BRD7: variants seen among roughly 807,000 people sequenced by gnomAD.
The protein encoded by BRD7 is bromodomain containing 7, also known as bromodomain-containing protein 7.
In BRD7, 15 loss-of-function variants were observed where a neutral mutation model predicts 82.1. The observed-to-expected ratio is 0.18, with a 90% CI of 0.12 to 0.28. BRD7 has a LOEUF of 0.28. Ranked by LOEUF, BRD7 falls within the 10% of genes least tolerant of loss-of-function variation. The probability of loss-of-function intolerance (pLI) is 1.00; values close to 1 mark genes in which losing one functional copy is unlikely to be tolerated. For synonymous variants in BRD7, 232 were observed against 266.9 expected (o/e 0.87, Z 1.27); for missense variants, 638 against 779.9 (o/e 0.82, Z 2.17).
At chr16:50,337,632 G>A (rs898046545) in intron 6 of BRD7, among the ~76,000 whole-genome samples, 2 of 152,136 alleles carry the variant, frequency 1.3e-5, no homozygotes, top group Non-Finnish European at 2.9e-5. Flanking sequence ...AAAAAATGAT[G>A]AGTGACTACT....
intron 8 of BRD7, among the ~76,000 whole-genome samples, chr16:50,328,946 C>G (rs1331740990): frequency 6.6e-6 from 1 of 152,076 alleles, no homozygotes; most frequent in African/African-American, 2.4e-5. Context: ...ACAGATACAG[C>G]CAGAAAATAA....
chr16:50,332,983 G>C (rs1018200885), intron 8 of BRD7, among the ~76,000 whole-genome samples: 2 of 152,146 alleles, frequency 1.3e-5, no homozygotes, highest in South Asian at 2.1e-4. Flanking sequence ...AATGCTAAAA[G>C]GGGGCAGGGA....
intron 4 of BRD7, among the ~76,000 whole-genome samples, chr16:50,352,701 G>GTTTTTTTT (rs34714781): frequency 1.0e-4 from 13 of 127,628 alleles, no homozygotes; most frequent in Non-Finnish European, 1.5e-4. Context: ...TGCCAGCTTT[G>GTTTTTTTT]TTTTTTTTTT....
chr16:50,320,488 C>T, intron 14 of BRD7, 97 bp from the exon 15 acceptor site: 1 of 1,528,118 alleles, frequency 6.5e-7, no homozygotes, highest in Non-Finnish European at 8.9e-7. Flanking sequence ...TAGCCTTCTC[C>T]CTTCAAAAGA....
At position 50,319,104 on chromosome 16, in the gene BRD7, G is replaced by C; in HGVS notation, c.*107C>G. 8.6e-7 allele frequency: 1 copy of C among 1,158,666 alleles called. No homozygotes were observed. The highest frequency in any genetic ancestry group is 1.2e-6 in the Non-Finnish European group (1 of 817,710). The allele number at this position is 1,158,666 out of a possible 1,614,324, so 71.8% of individuals were successfully genotyped here. A position where few individuals can be genotyped will look rare whatever the true frequency, so the allele number is the denominator to read the frequency against. ...GAACATCCAAATTCGCTGTTCCAAA[G>C]TTTAATTAAAAACACAATTTACAAA... On this transcript the variant is annotated 3_prime_UTR_variant, in exon 17 of 17. Transcript: ENST00000394688.
At chr16:50,346,700 TCCCAAGACTAAA>T (rs1418946080) in intron 5 of BRD7, among the ~76,000 whole-genome samples, 1 of 152,088 alleles carries the variant, frequency 6.6e-6, no homozygotes, top group African/African-American at 2.4e-5. Context: ...ACATACACCC[TCCCAAGACTAAA>T]CCAGGAAGAA....
rs1357009385 is a variant in BRD7, at chr16:50,354,334, G to GT, written c.446+90dup. ...TATTTATCATTCACTTTAAAATCAC[G>GT]TATGTTTGGAGTTAGGCACAAATGT... On this transcript the variant is annotated intron_variant, in intron 4 of 16. Transcript: ENST00000394688. The GT allele has an allele frequency of 2.8e-6, 3 of 1,060,680 alleles. No homozygotes were observed. In the African/African-American group the frequency reaches 4.9e-5, roughly 17 times the overall value. The allele number at this position is 1,060,680 out of a possible 1,614,324, so 65.7% of individuals were successfully genotyped here.
Position 50,316,736 on chromosome 16 carries a change from C to T in BRD7, c.*2475G>A, listed in dbSNP as rs1227614066. On this transcript the variant is annotated 3_prime_UTR_variant, in exon 17 of 17. Coordinates refer to ENST00000394688, the MANE Select transcript of BRD7 (RefSeq NM_013263.5). ...TTCAACTTCCCAAGGAATTGAAAGTCAACCTAACTGTAACAACAGGGTGAG... is the reference window on the plus strand; with the variant it reads ...TTCAACTTCCCAAGGAATTGAAAGTTAACCTAACTGTAACAACAGGGTGAG... 6.6e-6 allele frequency: 1 copy of T among 152,366 alleles called. No homozygotes were observed. Among genetic ancestry groups the T allele is most frequent in the Non-Finnish European group, 1.5e-5 (1 of 68,046 alleles). The allele number at this position is 152,366 out of a possible 1,614,324, so 9.4% of individuals were successfully genotyped here. A position where few individuals can be genotyped will look rare whatever the true frequency, so the allele number is the denominator to read the frequency against.
At chr16:50,368,012 AC>A in intron 2 of BRD7, 77 bp downstream of exon 2, 1 of 1,445,380 alleles carries the variant, frequency 6.9e-7, no homozygotes, top group East Asian at 2.3e-5. Context: ...TTCCCCAGAT[AC>A]AAAGAAAATA....
chr16:50,323,669 T>C lies in BRD7; in HGVS notation c.1361A>G (p.Asp454Gly). 1 of 1,613,866 alleles carries C rather than the reference T, an allele frequency of 6.2e-7. No individual in the cohort carries two copies. The highest frequency in any genetic ancestry group is 8.5e-7 in the Non-Finnish European group (1 of 1,179,764). The part of the protein sequence containing the change: ...SIHEFLATCQ[D>G]YPYVMADSLL... Reference sequence around the variant, plus strand: ...ACTATCTGCCATGACATACGGATAATCTTGGCACGTGGCCAAAAACTCATG... The same window carrying C: ...ACTATCTGCCATGACATACGGATAACCTTGGCACGTGGCCAAAAACTCATG... Residue 454 changes from aspartate to glycine, a missense_variant, in exon 12 of 17, where the codon GAT becomes GGT. This residue lies in a region of BRD7 where 402 missense variants were observed against 500.8 expected (regional missense o/e 0.80). Transcript: ENST00000394688.
At chr16:50,333,865 C>T (rs1435031879) in intron 7 of BRD7, among the ~76,000 whole-genome samples, 168 bp from the exon 8 acceptor site, 4 of 152,134 alleles carry the variant, frequency 2.6e-5, no homozygotes, top group Admixed American at 2.6e-4. Flanking sequence ...AATTTAAGAA[C>T]AGAAACAGTA....
intron 2 of BRD7, among the ~76,000 whole-genome samples, chr16:50,362,087 C>A (rs1438273546): frequency 6.6e-6 from 1 of 152,182 alleles, no homozygotes; most frequent in Non-Finnish European, 1.5e-5. Context: ...ATATAGTTGA[C>A]CCCATGTTAA....
At chr16:50,350,756 C>T (rs527673574) in intron 4 of BRD7, among the ~76,000 whole-genome samples, 2 of 152,272 alleles carry the variant, frequency 1.3e-5, no homozygotes, top group East Asian at 3.9e-4. Context: ...ATCAGAAACT[C>T]AAATTTGAAA....
At chr16:50,366,184 CAT>C (rs1374190351) in intron 2 of BRD7, among the ~76,000 whole-genome samples, 1 of 152,160 alleles carries the variant, frequency 6.6e-6, no homozygotes, top group African/African-American at 2.4e-5. Context: ...GATTTTCAAA[CAT>C]GTTAGAACTT....
chr16:50,342,297 C>A (rs1476772658), intron 5 of BRD7, among the ~76,000 whole-genome samples: 1 of 152,066 alleles, frequency 6.6e-6, no homozygotes, highest in African/African-American at 2.4e-5. Flanking sequence ...GGAAAAGTTT[C>A]TATTTCTCGA....
rs1347726865 is a variant in BRD7 at position 50,319,622 on chromosome 16, A to G, written c.1900+265T>C. ...AAAAACCCAATTAAAAAAATACAAC[A>G]AACAATGAAAAAAATATAAAAAATA... On this transcript the variant is annotated intron_variant, in intron 16 of 16. Coordinates refer to ENST00000394688, the MANE Select transcript of BRD7 (RefSeq NM_013263.5). Among the ~76,000 whole-genome samples the G allele has an allele frequency of 2.0e-5, 3 of 152,208 alleles. No individual in the cohort carries two copies. The East Asian group carries it at 5.8e-4, about 29-fold the overall frequency.
Position 50,325,790 on chromosome 16 carries a change from T to C in BRD7, c.1289A>G (p.Tyr430Cys), listed in dbSNP as rs768576199. Reference protein sequence around the residue: ...NISKDDSDLIYSTYGEDSDLP... With the variant: ...NISKDDSDLICSTYGEDSDLP... ...ATCAGAGTCTTCCCCATAGGTTGAA[T>C]AGATTAAATCAGAATCATCCTTGCT... The change falls in exon 11 of 17, where the codon TAT becomes TGT. Residue 430 changes from tyrosine to cysteine, a missense_variant. Coordinates refer to ENST00000394688, the MANE Select transcript of BRD7 (RefSeq NM_013263.5). 8.1e-6 allele frequency: 13 copies of C among 1,610,872 alleles called. No homozygotes were observed. Among genetic ancestry groups the C allele is most frequent in the East Asian group, 2.2e-5 (1 of 44,808 alleles).
intron 2 of BRD7, among the ~76,000 whole-genome samples, chr16:50,359,876 T>TGTGGGAACAGCATTCCAGGCA (rs2038876240): frequency 6.6e-6 from 1 of 152,068 alleles, no homozygotes; most frequent in Admixed American, 6.5e-5. Flanking sequence ...GAGGTAGGTG[T>TGTGGGAACAGCATTCCAGGCA]GTGGGAACAG....
chr16:50,331,717 A>G (rs2037574076), intron 8 of BRD7, among the ~76,000 whole-genome samples: 2 of 152,140 alleles, frequency 1.3e-5, no homozygotes, highest in Non-Finnish European at 2.9e-5. Context: ...ATCAAACCAA[A>G]CCAAACAAAA....
Sources: gnomAD v4.1 joint callset for allele counts (sites outside exome capture counted in the v4.1 genomes callset) on GRCh38, gnomAD v4.1.1 for gene constraint, gnomAD v4.1.1 regional missense constraint, MANE v1.5 for transcripts, NCBI Gene and HGNC (gene_info 2026-07-23, HGNC 2026-07-21) for gene names.